ADCY8: variants seen among roughly 807,000 people sequenced by gnomAD.
The protein encoded by ADCY8 is adenylate cyclase type 8.
A neutral mutation model predicts 119.7 loss-of-function variants in ADCY8; 51 were observed. The ratio of observed to expected loss-of-function variants is 0.43; its 90% CI spans 0.34 to 0.54. The LOEUF (loss-of-function observed/expected upper bound fraction) is 0.54. Among genes scored for constraint, ADCY8 ranks in the 20% least tolerant of loss-of-function variants. ADCY8 has a pLI of 0.03. For missense variants in ADCY8, 1,383 were observed against 1,598.8 expected (o/e 0.87, Z 2.30); for synonymous variants, 665 against 651.0 (o/e 1.02, Z -0.33).
intron 12 of ADCY8, among the ~76,000 whole-genome samples, chr8:130,833,257 G>T (rs1401515822): frequency 6.6e-6 from 1 of 152,156 alleles, no homozygotes; most frequent in Non-Finnish European, 1.5e-5. Flanking sequence ...ATACGGATCT[G>T]TTATTTACTG....
At chr8:130,877,105 AT>A (rs1328504572) in intron 8 of ADCY8, among the ~76,000 whole-genome samples, 1 of 152,224 alleles carries the variant, frequency 6.6e-6, no homozygotes, top group East Asian at 1.9e-4. Context: ...TAAAATAGTC[AT>A]GATAGGGCCT....
chr8:130,954,994 C>T (rs1821382978), intron 2 of ADCY8, among the ~76,000 whole-genome samples: 1 of 151,772 alleles, frequency 6.6e-6, no homozygotes, highest in South Asian at 2.1e-4. Flanking sequence ...TGTGAGGGTT[C>T]AAACATTTAT....
chr8:130,956,933 C>T lies in ADCY8; in HGVS notation c.1111-4935G>A, dbSNP rs534115930. 2.6e-5 allele frequency among the ~76,000 whole-genome samples: 4 copies of T among 152,278 alleles called. No individual in the cohort carries two copies. In the East Asian group the frequency reaches 7.7e-4, roughly 29 times the overall value. ...GTGGAAATGTAAGTCCAATTAAAAC[C>T]CTTTTTCCTGTATAAATTACCCAGT... On this transcript the variant is annotated intron_variant, in intron 2 of 17. Coordinates refer to ENST00000286355, the MANE Select transcript of ADCY8 (RefSeq NM_001115.3).
chr8:130,865,329 T>A (rs1818078399), intron 9 of ADCY8, among the ~76,000 whole-genome samples: 2 of 152,038 alleles, frequency 1.3e-5, no homozygotes, highest in Admixed American at 1.3e-4. Flanking sequence ...TCTTCATTTC[T>A]GAAATATATA....
chr8:130,921,217 T>C (rs1820291695), intron 5 of ADCY8, among the ~76,000 whole-genome samples: 1 of 152,192 alleles, frequency 6.6e-6, no homozygotes, highest in African/African-American at 2.4e-5. Flanking sequence ...CAGAGCTTTA[T>C]GTCCTTTCTT....
intron 9 of ADCY8, among the ~76,000 whole-genome samples, chr8:130,865,708 G>A (rs1235295473): frequency 6.6e-6 from 1 of 152,072 alleles, no homozygotes; most frequent in Non-Finnish European, 1.5e-5. Flanking sequence ...TTTCTCTTTG[G>A]TTGCTTTCAT....
chr8:130,886,904 TC>T (rs1819005425), intron 7 of ADCY8, among the ~76,000 whole-genome samples: 1 of 152,150 alleles, frequency 6.6e-6, no homozygotes, highest in African/African-American at 2.4e-5. Flanking sequence ...GGGATTGATT[TC>T]TTTAAATTTC....
rs181398000 is a variant in ADCY8, at chr8:130,993,793, A to G, written c.961-3251T>C. ...TTTTCTTTATAAATTACCCAGTCTC[A>G]GGTATGTCTTTATCAACCTCATGAA... On this transcript the variant is annotated intron_variant, in intron 1 of 17. Transcript: ENST00000286355. Among the ~76,000 whole-genome samples, 1,007 of 152,298 alleles carry G rather than the reference A, an allele frequency of 6.6e-3. 14 individuals carry two copies. Among genetic ancestry groups the G allele is most frequent in the Non-Finnish European group, 7.4e-3 (505 of 68,036 alleles).
At chr8:130,926,830 G>A (rs1263426930) in intron 5 of ADCY8, among the ~76,000 whole-genome samples, 3 of 151,886 alleles carry the variant, frequency 2.0e-5, no homozygotes, top group Non-Finnish European at 4.4e-5. Context: ...AGATCACGAG[G>A]TATTTATCTA....
At chr8:130,793,031 A>G (rs1352767953) in intron 15 of ADCY8, among the ~76,000 whole-genome samples, 2 of 152,134 alleles carry the variant, frequency 1.3e-5, no homozygotes, top group African/African-American at 4.8e-5. Flanking sequence ...GTCTAAATAG[A>G]AAGTACCCAA....
intron 9 of ADCY8, among the ~76,000 whole-genome samples, chr8:130,860,842 C>T (rs1393160306): frequency 1.3e-5 from 2 of 152,142 alleles, no homozygotes; most frequent in African/African-American, 4.8e-5. Context: ...TCCCTGTGCC[C>T]ATGTGTTCTC....
At chr8:130,874,307 TAAAAAATAAATAAATAAATA>T (rs1818475650) in intron 8 of ADCY8, among the ~76,000 whole-genome samples, 3 of 117,046 alleles carry the variant, frequency 2.6e-5, no homozygotes, top group East Asian at 2.3e-4. Flanking sequence ...GACTCTGACT[TAAAAAATAAATAAATAAATA>T]AATAAATAAA....
At chr8:130,789,800 G>A (rs1273480460) in intron 15 of ADCY8, among the ~76,000 whole-genome samples, 8 of 152,106 alleles carry the variant, frequency 5.3e-5, no homozygotes, top group African/African-American at 1.9e-4. Flanking sequence ...TCAAAGTGTG[G>A]TCCCATAAGC....
At chr8:130,846,886 CCT>C (rs879906809) in intron 11 of ADCY8, among the ~76,000 whole-genome samples, 2,308 of 14,032 alleles carry the variant, frequency 0.16, 311 homozygotes, top group African/African-American at 0.22. Flanking sequence ...CCTTCCCTTC[CCT>C]TTCCTTCCTT....
intron 5 of ADCY8, among the ~76,000 whole-genome samples, chr8:130,931,973 T>A (rs1203964232): frequency 6.6e-6 from 1 of 152,226 alleles, no homozygotes; most frequent in Admixed American, 6.5e-5. Context: ...CCTTATTTTA[T>A]CTCTTAGTGA....
At chr8:130,782,205 A>G (rs1815103921) in intron 17 of ADCY8, among the ~76,000 whole-genome samples, 2 of 152,220 alleles carry the variant, frequency 1.3e-5, no homozygotes, top group African/African-American at 4.8e-5. Flanking sequence ...ACGTATACCC[A>G]CTGATATAAG....
intron 8 of ADCY8, among the ~76,000 whole-genome samples, chr8:130,879,842 T>G (rs970920269): frequency 2.6e-5 from 4 of 152,290 alleles, no homozygotes; most frequent in South Asian, 4.1e-4. Context: ...GGTCTATTTT[T>G]ATAAAAATTT....
intron 9 of ADCY8, among the ~76,000 whole-genome samples, chr8:130,865,596 T>C (rs1374196744): frequency 6.6e-6 from 1 of 152,176 alleles, no homozygotes. Context: ...ATTTTGTTGC[T>C]CATTTTTGTG....
At position 130,832,325 on chromosome 8, in the gene ADCY8, A is replaced by G. The variant is rs1325187349; in HGVS notation, c.2675+3952T>C. Among the ~76,000 whole-genome samples, 18 of 152,198 alleles carry G rather than the reference A, an allele frequency of 1.2e-4. 1 individual carries two copies. Among genetic ancestry groups the G allele is most frequent in the Admixed American group, 9.8e-4 (15 of 15,272 alleles). ...GTGTGAAGTATTCAGGGCCATCCCA[A>G]TGAAGATGCGGCCAGGTTGTTGTGT... is the stretch of plus-strand genomic sequence containing the variant. On this transcript the variant is annotated intron_variant, in intron 12 of 17. Transcript: ENST00000286355.
Sources: gnomAD v4.1 joint callset for allele counts (sites outside exome capture counted in the v4.1 genomes callset) on GRCh38, gnomAD v4.1.1 for gene constraint, MANE v1.5 for transcripts, NCBI Gene and HGNC (gene_info 2026-07-23, HGNC 2026-07-21) for gene names.